The following FOXN3 variants were observed in gnomAD, a reference collection of about 807,000 sequenced individuals.
FOXN3 encodes forkhead box protein N3.
A neutral mutation model predicts 38.4 loss-of-function variants in FOXN3; 7 were observed. That is an observed-to-expected ratio of 0.18 (90% CI 0.10 to 0.34). FOXN3 has a LOEUF of 0.34. FOXN3 is among the 10% of genes least tolerant of loss of function. The pLI, the probability that FOXN3 is intolerant of heterozygous loss-of-function variation, is 1.00. For synonymous variants in FOXN3, 230 were observed against 242.2 expected (o/e 0.95, Z 0.47); for missense variants, 456 against 613.4 (o/e 0.74, Z 2.71).
chr14:89,405,458 C>A (rs1392293054), intron 2 of FOXN3, among the ~76,000 whole-genome samples: 2 of 152,080 alleles, frequency 1.3e-5, no homozygotes, highest in African/African-American at 4.8e-5. Context: ...TCAAAACTGC[C>A]TTTGAAAAAG....
At chr14:89,596,232 G>A (rs1018471958) in intron 1 of FOXN3, among the ~76,000 whole-genome samples, 23 of 152,050 alleles carry the variant, frequency 1.5e-4, no homozygotes, top group South Asian at 4.1e-4. Context: ...CCGCCTCCCC[G>A]GTTCAAGCCA....
At chr14:89,454,703 T>C (rs1204925856) in intron 1 of FOXN3, among the ~76,000 whole-genome samples, 2 of 152,246 alleles carry the variant, frequency 1.3e-5, no homozygotes, top group African/African-American at 4.8e-5. Flanking sequence ...ACTGAGTTGC[T>C]GATAGAAGTG....
Position 89,333,986 on chromosome 14 carries a change from A to ATATATC in FOXN3, c.680+16685_680+16686insGATATA, listed in dbSNP as rs1566959315. Among the ~76,000 whole-genome samples, 1,019 of 115,504 alleles carry ATATATC rather than the reference A, an allele frequency of 8.8e-3. 22 individuals carry two copies. The highest frequency in any genetic ancestry group is 0.037 in the African/African-American group (955 of 25,682). 75.8% of individuals were successfully genotyped at this position (115,504 alleles called of 152,430 possible). On this transcript the variant is annotated intron_variant, in intron 3 of 5. Transcript: ENST00000557258. Reference sequence around the variant, plus strand: ...GGTGTGTATATATATATATATATATATATATATATATATATATATATATGT... The same window carrying ATATATC: ...GGTGTGTATATATATATATATATATATATATCTATATATATATATATATATATATGT...
intron 2 of FOXN3, among the ~76,000 whole-genome samples, chr14:89,399,500 A>G (rs1192991925): frequency 6.6e-6 from 1 of 152,150 alleles, no homozygotes; most frequent in African/African-American, 2.4e-5. Flanking sequence ...ACTGGCTGTT[A>G]TGTTTTTGGG....
At chr14:89,365,706 C>T (rs767248079) in intron 2 of FOXN3, among the ~76,000 whole-genome samples, 23 of 152,172 alleles carry the variant, frequency 1.5e-4, no homozygotes, top group Non-Finnish European at 3.2e-4. Context: ...AAACTTCAAA[C>T]ACATGCAAAA....
chr14:89,305,063 C>T (rs762505738), intron 3 of FOXN3, among the ~76,000 whole-genome samples: 2 of 151,830 alleles, frequency 1.3e-5, no homozygotes, highest in African/African-American at 2.4e-5. Flanking sequence ...ATTCATTTTA[C>T]GAAGTTGTCC....
chr14:89,332,390 C>A (rs1459581462), intron 3 of FOXN3, among the ~76,000 whole-genome samples: 1 of 152,104 alleles, frequency 6.6e-6, no homozygotes, highest in Non-Finnish European at 1.5e-5. Flanking sequence ...AGTCAGTTCC[C>A]ATATACCCTT....
Position 89,412,369 on chromosome 14 carries a change from C to T in FOXN3, c.108G>A (p.Gln36=). 2.5e-6 allele frequency: 4 copies of T among 1,614,198 alleles called. No homozygotes were observed. The highest frequency in any genetic ancestry group is 3.4e-6 in the Non-Finnish European group (4 of 1,180,036). Residue 36 remains glutamine, a synonymous_variant, in exon 2 of 6, where the codon CAG becomes CAA. Transcript: ENST00000557258. The surrounding 1 kb of genome is among the most constrained non-coding windows in gnomAD (Gnocchi z 4.7). ...GAGAAAAGTCGAGGTCATCGTCTTC[C>T]TGAAGGGCCTTGGAGAAACCGCTGC... The part of the protein sequence containing the change: ...YGGSGFSKAL[Q]EDDDLDFSLP...
At chr14:89,223,607 C>T (rs752587631) in intron 4 of FOXN3, among the ~76,000 whole-genome samples, 5 of 152,210 alleles carry the variant, frequency 3.3e-5, no homozygotes, top group African/African-American at 4.8e-5. Context: ...CTGGTAGGTC[C>T]CTTTCAGAAA....
At position 89,205,687 on chromosome 14, in the gene FOXN3, G is replaced by A. The variant is rs373693256; in HGVS notation, c.746-24881C>T. Among the ~76,000 whole-genome samples the A allele has an allele frequency of 3.9e-5, 6 of 152,346 alleles. No homozygotes were observed. The East Asian group carries it at 1.2e-3, about 29-fold the overall frequency. On this transcript the variant is annotated intron_variant, in intron 4 of 5. Coordinates refer to ENST00000557258, the MANE Select transcript of FOXN3 (RefSeq NM_005197.4). Reference sequence around the variant, plus strand: ...CCATCCACCTCTGTGATAAGGCAGAGAGTCTAACTGAGCTGATTAACACAA... The same window carrying A: ...CCATCCACCTCTGTGATAAGGCAGAAAGTCTAACTGAGCTGATTAACACAA...
chr14:89,461,207 C>T (rs780571644), intron 1 of FOXN3, among the ~76,000 whole-genome samples: 4 of 151,626 alleles, frequency 2.6e-5, no homozygotes, highest in Admixed American at 6.6e-5. Flanking sequence ...CATAGTGGTG[C>T]ATGCCTGTAG....
At chr14:89,433,995 GC>G (rs1333290821) in intron 1 of FOXN3, among the ~76,000 whole-genome samples, 8 of 147,422 alleles carry the variant, frequency 5.4e-5, no homozygotes, top group African/African-American at 2.0e-4. Flanking sequence ...CCCCATCTTG[GC>G]TCACTGCAAC....
Position 89,453,232 on chromosome 14 carries a change from G to A in FOXN3, c.-14-40742C>T, listed in dbSNP as rs145444511. The stretch of plus-strand genomic sequence containing the variant: ...AAGAACTAAAAAAAGAACTTAAAAT[G>A]AACCCAATGATAATGCTGTCTCTTT... On this transcript the variant is annotated intron_variant, in intron 1 of 6. Transcript: ENST00000345097. Among the ~76,000 whole-genome samples, 1,407 of 150,704 alleles carry A rather than the reference G, an allele frequency of 9.3e-3. 60 individuals carry two copies. Among genetic ancestry groups the A allele is most frequent in the Admixed American group, 0.082 (1,238 of 15,102 alleles).
chr14:89,469,473 C>T (rs1893047078), intron 1 of FOXN3, among the ~76,000 whole-genome samples: 1 of 152,220 alleles, frequency 6.6e-6, no homozygotes, highest in Admixed American at 6.5e-5. Flanking sequence ...GCCTGAGGTT[C>T]AAGGGTGTTT....
At chr14:89,293,841 T>C (rs189460346) in intron 3 of FOXN3, among the ~76,000 whole-genome samples, 28 of 152,304 alleles carry the variant, frequency 1.8e-4, no homozygotes, top group South Asian at 1.0e-3. Context: ...CCAAGACACC[T>C]GTGGCTGTCT....
chr14:89,522,188 A>G (rs1435270090), intron 1 of FOXN3, among the ~76,000 whole-genome samples: 1 of 152,168 alleles, frequency 6.6e-6, no homozygotes, highest in African/African-American at 2.4e-5. Flanking sequence ...TAAGAATTTT[A>G]TACCCAGTGA....
At chr14:89,205,101 A>G (rs987972334) in intron 4 of FOXN3, among the ~76,000 whole-genome samples, 1 of 151,162 alleles carries the variant, frequency 6.6e-6, no homozygotes, top group Non-Finnish European at 1.5e-5. Flanking sequence ...AGTATTCTGC[A>G]TGTCAGGAGT....
chr14:89,609,179 T>C (rs974218153), intron 1 of FOXN3, among the ~76,000 whole-genome samples: 3 of 152,044 alleles, frequency 2.0e-5, no homozygotes, highest in Admixed American at 6.5e-5. Flanking sequence ...AAGAGAGAAC[T>C]TGGTAGACTG....
At chr14:89,336,216 C>CTCCATCCATCTA (rs1555419028) in intron 3 of FOXN3, among the ~76,000 whole-genome samples, 6 of 143,160 alleles carry the variant, frequency 4.2e-5, no homozygotes, top group African/African-American at 1.6e-4. Flanking sequence ...CTAACGGTGC[C>CTCCATCCATCTA]TCCATCCATC....
Sources: allele counts gnomAD v4.1 joint callset (sites outside exome capture counted in the v4.1 genomes callset), GRCh38; gene constraint gnomAD v4.1.1; non-coding constraint Gnocchi (gnomAD v3.1); transcripts MANE v1.5; gene names NCBI Gene and HGNC (gene_info 2026-07-23, HGNC 2026-07-21).